Variants in SCAF11 observed in about 807,000 individuals in gnomAD.
SCAF11 encodes SR-related CTD associated factor 11.
SCAF11 carries 47 observed loss-of-function variants against 140.5 expected under a neutral mutation model. The observed-to-expected ratio is 0.33, with a 90% CI of 0.26 to 0.43. The LOEUF (loss-of-function observed/expected upper bound fraction) is 0.43. Among genes scored for constraint, SCAF11 ranks in the 20% least tolerant of loss-of-function variants. The pLI, the probability that SCAF11 is intolerant of heterozygous loss-of-function variation, is 1.00. For synonymous variants in SCAF11, 557 were observed against 579.4 expected (o/e 0.96, Z 0.55); for missense variants, 1,645 against 1,705.1 (o/e 0.96, Z 0.62).
chr12:45,943,542 G>C (rs1945354382), intron 6 of SCAF11, among the ~76,000 whole-genome samples: 2 of 151,812 alleles, frequency 1.3e-5, no homozygotes, highest in African/African-American at 2.4e-5. Flanking sequence ...CTTTATCATG[G>C]GTATGTACAT....
At chr12:45,983,443 T>C (rs1946389261) in intron 1 of SCAF11, among the ~76,000 whole-genome samples, 2 of 152,230 alleles carry the variant, frequency 1.3e-5, no homozygotes, top group Non-Finnish European at 1.5e-5. Context: ...CTGGCATGCC[T>C]TTCCACATTT....
intron 4 of SCAF11, 38 bp downstream of exon 4, chr12:45,951,612 T>C (rs1344041401): frequency 7.4e-7 from 1 of 1,347,530 alleles, no homozygotes; most frequent in Non-Finnish European, 1.0e-6. Flanking sequence ...CTTCAATTAA[T>C]TTTTATATAA....
rs1565689240 is a variant in SCAF11 at position 45,972,961 on chromosome 12, T to TATATAG, written c.-21-8774_-21-8773insCTATAT. ...ATAGATATATATATAGATATATAGA[T>TATATAG]ATATATATAGATATATAGATATATA... On this transcript the variant is annotated intron_variant, in intron 1 of 14. Coordinates refer to ENST00000369367, the MANE Select transcript of SCAF11 (RefSeq NM_004719.3). 4.9e-5 allele frequency among the ~76,000 whole-genome samples: 4 copies of TATATAG among 82,308 alleles called. No individual in the cohort carries two copies. The South Asian group carries it at 1.4e-3, about 30-fold the overall frequency. 54.0% of individuals were successfully genotyped at this position (82,308 alleles called of 152,430 possible).
chr12:45,939,187 C>T (rs1945239163), intron 6 of SCAF11, among the ~76,000 whole-genome samples: 1 of 151,662 alleles, frequency 6.6e-6, no homozygotes, highest in African/African-American at 2.4e-5. Context: ...AGGGGCTTGA[C>T]TTCCAGTAAA....
chr12:45,934,610 G>GAA (rs1945128836), intron 6 of SCAF11, 105 bp from the exon 7 acceptor site: 3 of 627,784 alleles, frequency 4.8e-6, no homozygotes, highest in African/African-American at 3.8e-5. Context: ...GAAATACGTA[G>GAA]AAAAGCTGTA....
At position 45,927,087 on chromosome 12, in the gene SCAF11, T is replaced by C. The variant is rs375573595; in HGVS notation, c.2614A>G (p.Thr872Ala). 6.2e-7 allele frequency: 1 copy of C among 1,614,066 alleles called. No individual in the cohort carries two copies. The highest frequency in any genetic ancestry group is 8.5e-7 in the Non-Finnish European group (1 of 1,180,030). ...SQSRSPKRDT[T>A]RESRRSESLS... Reference sequence around the variant, plus strand: ...GATTCAGATCTTCTGCTTTCCCTAGTAGTATCCCTTTTTGGAGACCGAGAC... The same window carrying C: ...GATTCAGATCTTCTGCTTTCCCTAGCAGTATCCCTTTTTGGAGACCGAGAC... The change falls in exon 11 of 15, where the codon ACT (threonine) becomes GCT (alanine). Residue 872 changes from threonine (T) to alanine (A), a missense_variant. Physicochemically the swap from Thr to Ala is moderately conservative, Grantham distance 58. Transcript: ENST00000369367.
At chr12:45,963,971 C>T (rs1945881115) in intron 2 of SCAF11, 136 bp downstream of exon 2, 8 of 589,452 alleles carry the variant, frequency 1.4e-5, no homozygotes, top group South Asian at 1.2e-4. Context: ...AATGTGTATA[C>T]TTAGGCAGCT....
intron 1 of SCAF11, among the ~76,000 whole-genome samples, chr12:45,974,005 C>A (rs749951539): frequency 6.6e-6 from 1 of 152,152 alleles, no homozygotes; most frequent in South Asian, 2.1e-4. Flanking sequence ...ATTTCCAATA[C>A]AGGCATATAT....
chr12:45,988,887 A>T (rs1946524398), intron 1 of SCAF11, among the ~76,000 whole-genome samples: 1 of 152,234 alleles, frequency 6.6e-6, no homozygotes, highest in African/African-American at 2.4e-5. Flanking sequence ...AACTGTTTTT[A>T]AAAAACTCAC....
In SCAF11 at chr12:45,927,262, C is replaced by T; in HGVS notation, c.2439G>A (p.Arg813=). The T allele has an allele frequency of 1.2e-6, 2 of 1,613,870 alleles. No homozygotes were observed. The highest frequency in any genetic ancestry group is 1.7e-6 in the Non-Finnish European group (2 of 1,179,986). The change falls in exon 11 of 15, where the codon CGG becomes CGA. Residue 813 remains arginine, a synonymous_variant. Coordinates refer to ENST00000369367, the MANE Select transcript of SCAF11 (RefSeq NM_004719.3). ...CTCTTCTGGGAGATGGAGACTGGGG[C>T]CGCTTCTTTTCTTGTGGAGTGTCTT... is the stretch of plus-strand genomic sequence containing the variant. The part of the protein sequence containing the change: ...PNKDTPQEKK[R]PQSPSPRRET...
intron 1 of SCAF11, among the ~76,000 whole-genome samples, chr12:45,965,025 T>C (rs1011966422): frequency 6.6e-6 from 1 of 152,138 alleles, no homozygotes; most frequent in African/African-American, 2.4e-5. Context: ...ATGAATTTTA[T>C]CTGAAAAATC....
intron 1 of SCAF11, among the ~76,000 whole-genome samples, chr12:45,980,312 A>G (rs576506728): frequency 5.3e-5 from 8 of 152,288 alleles, no homozygotes; most frequent in South Asian, 2.1e-4. Context: ...CTTTATCACT[A>G]TATTACTAGG....
chr12:45,962,664 G>A (rs1157272042), intron 2 of SCAF11, among the ~76,000 whole-genome samples: 1 of 152,134 alleles, frequency 6.6e-6, no homozygotes, highest in Non-Finnish European at 1.5e-5. Flanking sequence ...AAGCAAAGTT[G>A]GAACTGTCCT....
At chr12:45,939,984 A>G (rs915274324) in intron 6 of SCAF11, among the ~76,000 whole-genome samples, 1 of 152,214 alleles carries the variant, frequency 6.6e-6, no homozygotes, top group African/African-American at 2.4e-5. Context: ...AAATGTCAAC[A>G]TTTAAGGATA....
chr12:45,928,134 A>G lies in SCAF11; in HGVS notation c.1567T>C (p.Leu523=), dbSNP rs776041192. ...CCAGATATCTGGTCTTGCTTTTCCA[A>G]TGGATCACCTCCTTTTTCAAGAATA... ...ENILEKGGDP[L]EKQDQISGLS... is the part of the protein sequence containing the mutation. Residue 523 remains leucine (L), a synonymous_variant, in exon 11 of 15, where the codon TTG becomes CTG. Coordinates refer to ENST00000369367, the MANE Select transcript of SCAF11 (RefSeq NM_004719.3). 6.2e-7 allele frequency: 1 copy of G among 1,614,002 alleles called. No homozygotes were observed. Among genetic ancestry groups the G allele is most frequent in the African/African-American group, 1.3e-5 (1 of 75,066 alleles).
rs1333148558 is a variant in SCAF11 at position 45,931,522 on chromosome 12, T to C, written c.825A>G (p.Ile275Met). ...LPRTIFPTSTISFEHFGTSCK... is the reference protein window; with the variant it reads ...LPRTIFPTSTMSFEHFGTSCK... ...AAACTTTACCAAAATGTTCGAAAGATATGGTACTTGTTGGAAAAATAGTTC... is the reference window on the plus strand; with the variant it reads ...AAACTTTACCAAAATGTTCGAAAGACATGGTACTTGTTGGAAAAATAGTTC... The change falls in exon 10 of 15, where the codon ATA becomes ATG. Residue 275 changes from isoleucine to methionine, a missense_variant. Ile to Met is a conservative substitution (Grantham distance 10). Coordinates refer to ENST00000369367, the MANE Select transcript of SCAF11 (RefSeq NM_004719.3). The C allele has an allele frequency of 1.4e-6, 2 of 1,464,266 alleles. No individual in the cohort carries two copies. The highest frequency in any genetic ancestry group is 1.8e-6 in the Non-Finnish European group (2 of 1,107,998). The allele number at this position is 1,464,266 out of a possible 1,614,324, so 90.7% of individuals were successfully genotyped here.
Position 45,926,889 on chromosome 12 carries a change from G to C in SCAF11, c.2812C>G (p.His938Asp). The C allele has an allele frequency of 6.2e-7, 1 of 1,613,708 alleles. No individual in the cohort carries two copies. The highest frequency in any genetic ancestry group is 8.5e-7 in the Non-Finnish European group (1 of 1,180,006). The change falls in exon 11 of 15, where the codon CAT becomes GAT. Residue 938 changes from histidine to aspartate, a missense_variant. By Grantham distance (81) the His-to-Asp change is moderately conservative. Around this residue, in one of 2 missense-constraint regions of SCAF11, gnomAD observed 1,582 missense variants for 1,609.2 expected, o/e 0.98. Coordinates refer to ENST00000369367, the MANE Select transcript of SCAF11 (RefSeq NM_004719.3). ...CTACATCTTGAGGGGGACCTAGAAT[G>C]AGATCTGGACCTAGACCACTTTCTG... ...RTRKWSRSRS[H>D]SRSPSRCRTK...
In SCAF11 at chr12:45,926,551, A is replaced by G; in HGVS notation, c.3150T>C (p.Asn1050=). 6.2e-7 allele frequency: 1 copy of G among 1,612,916 alleles called. No homozygotes were observed. The highest frequency in any genetic ancestry group is 1.3e-5 in the African/African-American group (1 of 74,780). ...AAGAATTTCCTGAATTTTCATTTCT[A>G]TTTTCTTCCCAATGAGACTCTTTCA... is the stretch of plus-strand genomic sequence containing the variant. ...EKLKESHWEE[N]RNENSGNSWN... The change falls in exon 11 of 15, where the codon AAT becomes AAC. Residue 1050 remains asparagine (N), a synonymous_variant. Transcript: ENST00000369367.
Position 45,927,891 on chromosome 12 carries a change from CCT to C in SCAF11, c.1808_1809del (p.Glu603GlyfsTer12). 1 of 1,612,552 alleles carries C rather than the reference CCT, an allele frequency of 6.2e-7. No individual in the cohort carries two copies. The highest frequency in any genetic ancestry group is 8.5e-7 in the Non-Finnish European group (1 of 1,179,672). Reference sequence around the variant, plus strand: ...TCTAACTTGGGGCTCTCTATAAGCTCCTCTGTTTTTAGTGTAAAATCTTTATG... The same window carrying C: ...TCTAACTTGGGGCTCTCTATAAGCTCCTGTTTTTAGTGTAAAATCTTTATG... ...TEHKDFTLKT[E>X]ELIESPKLES... On this transcript the variant is annotated frameshift_variant, in exon 11 of 15. Transcript: ENST00000369367. LOFTEE classifies it high-confidence loss of function.
Sources: allele counts gnomAD v4.1 joint callset (sites outside exome capture counted in the v4.1 genomes callset), GRCh38; gene constraint gnomAD v4.1.1; regional missense constraint gnomAD v4.1.1; transcripts MANE v1.5; gene names NCBI Gene and HGNC (gene_info 2026-07-23, HGNC 2026-07-21).